The following TEKTL1 variants were observed in gnomAD, a reference collection of about 807,000 sequenced individuals.
The protein encoded by TEKTL1 is tektin like 1.
At chr19:15,013,203 C>T in the TEKTL1 span, among the ~76,000 whole-genome samples, 1 of 152,064 alleles carries the variant, frequency 6.6e-6, no homozygotes, top group Non-Finnish European at 1.5e-5. Context: ...GAGATGAGAC[C>T]CCACCCACAG....
the TEKTL1 span, chr19:15,022,856 C>A: frequency 6.3e-7 from 1 of 1,576,836 alleles, no homozygotes; most frequent in South Asian, 1.2e-5. Flanking sequence ...CGGGTCTGCC[C>A]TGCTCCCTAT....
At chr19:15,017,147 A>C in the TEKTL1 span, among the ~76,000 whole-genome samples, 374 of 152,322 alleles carry the variant, frequency 2.5e-3, 2 homozygotes, top group Non-Finnish European at 4.0e-3. Context: ...TCTTGAGCCC[A>C]GGAGTTTGAG....
chr19:15,011,052 A>T, the TEKTL1 span: 5 of 1,577,242 alleles, frequency 3.2e-6, no homozygotes, highest in Non-Finnish European at 4.3e-6. Context: ...TTCCGCGTGG[A>T]GATGATCAAA....
the TEKTL1 span, among the ~76,000 whole-genome samples, chr19:15,018,715 A>AAAATAT: frequency 1.5e-5 from 1 of 68,250 alleles, no homozygotes; most frequent in South Asian, 4.0e-4. Context: ...CCTATCTCAA[A>AAAATAT]ATATGTATAT....
At chr19:15,018,909 T>C in the TEKTL1 span, among the ~76,000 whole-genome samples, 1 of 151,344 alleles carries the variant, frequency 6.6e-6, no homozygotes, top group South Asian at 2.1e-4. Flanking sequence ...TCCATGTGTT[T>C]ATCTGTAATG....
At chr19:15,018,715 A>ATATATATATATATATATATATATATAT in the TEKTL1 span, among the ~76,000 whole-genome samples, 5 of 68,298 alleles carry the variant, frequency 7.3e-5, no homozygotes, top group African/African-American at 2.1e-4. Context: ...CCTATCTCAA[A>ATATATATATATATATATATATATATAT]ATATGTATAT....
the TEKTL1 span, chr19:15,020,434 C>T: frequency 6.2e-7 from 1 of 1,601,942 alleles, no homozygotes; most frequent in Non-Finnish European, 8.5e-7. Flanking sequence ...AGTTCTCACT[C>T]TGTCTTCTCC....
the TEKTL1 span, among the ~76,000 whole-genome samples, chr19:15,016,871 G>C: frequency 1.3e-5 from 2 of 152,128 alleles, no homozygotes; most frequent in Non-Finnish European, 2.9e-5. Flanking sequence ...ACAAAAACAG[G>C]TCTGCCATCC....
the TEKTL1 span, chr19:15,020,316 A>G: frequency 1.4e-6 from 1 of 732,042 alleles, no homozygotes; most frequent in South Asian, 1.9e-5. Flanking sequence ...TCAAAAAAAA[A>G]AAAAAATGAG....
chr19:15,020,707 T>C, the TEKTL1 span: 143 of 1,517,634 alleles, frequency 9.4e-5, no homozygotes, highest in Non-Finnish European at 1.2e-4. Flanking sequence ...CCAGATCCCC[T>C]TGACTGTCAG....
At chr19:15,018,732 A>ATATATATATATATATATATT in the TEKTL1 span, among the ~76,000 whole-genome samples, 158 of 78,620 alleles carry the variant, frequency 2.0e-3, 35 homozygotes, top group Non-Finnish European at 2.8e-3. Flanking sequence ...ATATATATAT[A>ATATATATATATATATATATT]ACTTCCCTGG....
At chr19:15,023,050 G>A in the TEKTL1 span, 1 of 1,611,898 alleles carries the variant, frequency 6.2e-7, no homozygotes, top group South Asian at 1.1e-5. Context: ...ACGAGCAGGC[G>A]CAGCGCCTGG....
chr19:15,021,383 G>C, the TEKTL1 span: 1 of 1,614,224 alleles, frequency 6.2e-7, no homozygotes. Context: ...GAAGCCAAGC[G>C]GTTGTTGGTC....
chr19:15,013,784 G>A, the TEKTL1 span: 523 of 1,594,516 alleles, frequency 3.3e-4, 2 homozygotes, highest in African/African-American at 6.6e-3. Flanking sequence ...AAGGTTAGGG[G>A]TGCCTGTGGA....
At chr19:15,011,125 G>T in the TEKTL1 span, 1 of 1,538,100 alleles carries the variant, frequency 6.5e-7, no homozygotes, top group Non-Finnish European at 8.7e-7. Flanking sequence ...AGGGCAAGAT[G>T]AAGCCGCCCG....
chr19:15,020,333 A>C, the TEKTL1 span: 1 of 768,268 alleles, frequency 1.3e-6, no homozygotes, highest in East Asian at 2.7e-5. Context: ...TGAGAGTGTC[A>C]GTTTCCGTTT....
chr19:15,023,092 G>C, the TEKTL1 span: 2 of 1,607,804 alleles, frequency 1.2e-6, no homozygotes, highest in Non-Finnish European at 1.7e-6. Context: ...CGCCGCCGCC[G>C]CGCAGCAAGA....
At chr19:15,018,280 G>A in the TEKTL1 span, among the ~76,000 whole-genome samples, 1 of 152,166 alleles carries the variant, frequency 6.6e-6, no homozygotes, top group Non-Finnish European at 1.5e-5. Flanking sequence ...TTTGAACCCG[G>A]GAGGCAGAGG....
At chr19:15,022,567 G>A in the TEKTL1 span, among the ~76,000 whole-genome samples, 4,061 of 152,054 alleles carry the variant, frequency 0.027, 103 homozygotes, top group African/African-American at 0.068. Context: ...GACCTCAGGT[G>A]ATCCGCCCGC....
Sources: allele counts gnomAD v4.1 joint callset (sites outside exome capture counted in the v4.1 genomes callset), GRCh38; gene constraint gnomAD v4.1.1; transcripts MANE v1.5; gene names NCBI Gene and HGNC (gene_info 2026-07-23, HGNC 2026-07-21).